UPRT: variants seen among roughly 807,000 people sequenced by gnomAD.
UPRT encodes RP11-311P8.3.
Under a neutral mutation model 22.6 loss-of-function variants are expected in UPRT, and 5 were observed. The ratio of observed to expected loss-of-function variants is 0.22; its 90% CI spans 0.12 to 0.47. UPRT has a LOEUF of 0.47. UPRT is among the 20% of genes least tolerant of loss of function. The pLI is 0.99. For missense variants in UPRT, 181 were observed against 239.9 expected (o/e 0.75, Z 1.62); for synonymous variants, 77 against 87.7 (o/e 0.88, Z 0.68).
chrX:75,180,785 C>A, intron 4 of UPRT, among the ~76,000 whole-genome samples: 1 of 86,357 alleles, frequency 1.2e-5, no homozygotes, highest in East Asian at 4.5e-4. Flanking sequence ...ATGCAGTTTG[C>A]AAAATTTTTT....
In UPRT at chrX:75,237,917, G is replaced by A. The variant is rs761558872; in HGVS notation, c.-446-53107G>A. ...TACATATGTAACTAACCTGCACATTGTGCACATGTACCCTAAAAGTTAAAG... is the reference window on the plus strand; with the variant it reads ...TACATATGTAACTAACCTGCACATTATGCACATGTACCCTAAAAGTTAAAG... On this transcript the variant is annotated intron_variant, in intron 4 of 13. Transcript: ENST00000652605. Among the ~76,000 whole-genome samples, 6 of 110,096 alleles carry A rather than the reference G, an allele frequency of 5.4e-5. No homozygotes were observed. The East Asian group carries it at 1.4e-3, about 26-fold the overall frequency.
intron 1 of UPRT, among the ~76,000 whole-genome samples, chrX:75,284,873 G>A (rs1264442562): frequency 5.4e-5 from 6 of 111,561 alleles, no homozygotes; most frequent in Admixed American, 1.9e-4. Context: ...AAGATTATAT[G>A]CCCTTTGTCT....
chrX:75,188,921 C>G (rs1253676906), intron 4 of UPRT, among the ~76,000 whole-genome samples: 1 of 111,942 alleles, frequency 8.9e-6, no homozygotes, highest in Non-Finnish European at 1.9e-5. Flanking sequence ...CTGTCTGGCA[C>G]TCCCTAGTGA....
chrX:75,247,378 A>C (rs1225277808), intron 4 of UPRT, among the ~76,000 whole-genome samples: 1 of 111,433 alleles, frequency 9.0e-6, no homozygotes, highest in Non-Finnish European at 1.9e-5. Flanking sequence ...GGTCACTCCC[A>C]CTCTAATAAT....
chrX:75,290,191 CAT>C (rs754676205), intron 1 of UPRT, among the ~76,000 whole-genome samples: 5 of 112,017 alleles, frequency 4.5e-5, no homozygotes, highest in African/African-American at 6.5e-5. Context: ...AGCCAACAAA[CAT>C]ATGAAAAAAT....
Position 75,304,346 on chromosome X carries a change from CTTCATT to C in UPRT, c.*838_*843del, listed in dbSNP as rs2082755342. ...CATGGCCAGTAAGTAAATTTAAATG[CTTCATT>C]TTTAATTTGGATGTTTCTGCTAGAG... On this transcript the variant is annotated 3_prime_UTR_variant, in exon 7 of 7. Transcript: ENST00000373383. The C allele has an allele frequency of 9.0e-6, 1 of 111,037 alleles. No homozygotes were observed. The allele number at this position is 111,037 out of a possible 1,213,427, so 9.2% of individuals were successfully genotyped here.
chrX:75,275,033 A>T (rs1045267618), intron 1 of UPRT, among the ~76,000 whole-genome samples: 3 of 111,157 alleles, frequency 2.7e-5, no homozygotes, highest in South Asian at 7.7e-4. Context: ...ATCCAAGGTT[A>T]TGCACTACCA....
chrX:75,299,664 A>G, intron 4 of UPRT, 71 bp from the exon 5 acceptor site: 1 of 1,028,560 alleles, frequency 9.7e-7, no homozygotes, highest in Non-Finnish European at 1.3e-6. Context: ...GTGACAAACT[A>G]TACTTTGGCC....
At chrX:75,251,763 A>C (rs921551923) in intron 4 of UPRT, among the ~76,000 whole-genome samples, 1 of 111,586 alleles carries the variant, frequency 9.0e-6, no homozygotes, top group Non-Finnish European at 1.9e-5. Flanking sequence ...AGTCAATCCT[A>C]AGCCAAAAGA....
At chrX:75,278,789 T>G (rs1371262892) in intron 1 of UPRT, among the ~76,000 whole-genome samples, 2 of 111,659 alleles carry the variant, frequency 1.8e-5, no homozygotes, top group Non-Finnish European at 3.8e-5. Flanking sequence ...TTAGAGTATG[T>G]CAGTATGTGA....
intron 1 of UPRT, among the ~76,000 whole-genome samples, chrX:75,276,863 G>A (rs1370311476): frequency 9.0e-6 from 1 of 111,380 alleles, no homozygotes; most frequent in Non-Finnish European, 1.9e-5. Flanking sequence ...GAAACCTCAT[G>A]CCCATTAAAC....
chrX:75,194,859 T>C (rs2082328453), intron 4 of UPRT, among the ~76,000 whole-genome samples: 1 of 110,778 alleles, frequency 9.0e-6, no homozygotes, highest in Non-Finnish European at 1.9e-5. Flanking sequence ...GACATTGGCC[T>C]GCATGCCTAG....
At chrX:75,274,888 A>G (rs1316983822) in intron 1 of UPRT, 2 of 365,127 alleles carry the variant, frequency 5.5e-6, no homozygotes, top group Non-Finnish European at 9.3e-6. Flanking sequence ...GGGGAGGAAG[A>G]CTTTAGGTAG....
At chrX:75,213,177 A>T (rs1975836323) in intron 4 of UPRT, among the ~76,000 whole-genome samples, 1 of 112,011 alleles carries the variant, frequency 8.9e-6, no homozygotes, top group South Asian at 3.7e-4. Context: ...TGACTTAATA[A>T]CTCACACATG....
intron 4 of UPRT, among the ~76,000 whole-genome samples, chrX:75,261,170 A>C (rs1431741161): frequency 9.0e-6 from 1 of 111,715 alleles, no homozygotes; most frequent in African/African-American, 3.3e-5. Flanking sequence ...CAAAATTGAC[A>C]CCCTAACATC....
intron 4 of UPRT, among the ~76,000 whole-genome samples, chrX:75,192,025 C>A (rs2082316991): frequency 9.0e-6 from 1 of 111,588 alleles, no homozygotes; most frequent in African/African-American, 3.3e-5. Flanking sequence ...GTTGGTAATG[C>A]AGAAATCACC....
At chrX:75,190,841 G>A (rs1053931644) in intron 4 of UPRT, among the ~76,000 whole-genome samples, 1 of 110,950 alleles carries the variant, frequency 9.0e-6, no homozygotes, top group Non-Finnish European at 1.9e-5. Flanking sequence ...GGTCATTTAA[G>A]GACTTCTCTA....
At chrX:75,216,703 A>T (rs1346343137) in intron 4 of UPRT, among the ~76,000 whole-genome samples, 1 of 112,568 alleles carries the variant, frequency 8.9e-6, no homozygotes, top group African/African-American at 3.2e-5. Flanking sequence ...ATCCAGCTGG[A>T]GAATAATATA....
rs867306151 is a variant in UPRT at position 75,162,140 on chromosome X, G to T, written c.-614-992G>T. On this transcript the variant is annotated intron_variant, in intron 2 of 13. Transcript: ENST00000652605. ...TTTTTTTTGTATTTTTAGTAGAGAC[G>T]GGGGTCTTACCATGTTGGTCAGGCT... Among the ~76,000 whole-genome samples the T allele has an allele frequency of 2.9e-5, 3 of 103,928 alleles. No homozygotes were observed. The East Asian group carries it at 9.0e-4, about 31-fold the overall frequency. 90.2% of individuals were successfully genotyped at this position (103,928 alleles called of 115,157 possible).
Sources: allele counts gnomAD v4.1 joint callset (sites outside exome capture counted in the v4.1 genomes callset), GRCh38; gene constraint gnomAD v4.1.1; transcripts MANE v1.5; gene names NCBI Gene and HGNC (gene_info 2026-07-23, HGNC 2026-07-21).